Variants in SRGAP2 observed in about 807,000 individuals in gnomAD.
The protein encoded by SRGAP2 is SLIT-ROBO Rho GTPase-activating protein 2.
In SRGAP2, 15 loss-of-function variants were observed where a neutral mutation model predicts 57.2. The ratio of observed to expected loss-of-function variants is 0.26; its 90% CI spans 0.18 to 0.40. SRGAP2 has a LOEUF of 0.40. Among genes scored for constraint, SRGAP2 ranks in the 10% least tolerant of loss-of-function variants. The pLI is 1.00. For missense variants in SRGAP2, 520 were observed against 669.6 expected (o/e 0.78, Z 2.47); for synonymous variants, 249 against 248.0 (o/e 1.00, Z -0.04).
chr1:206,446,555 A>G (rs1662777163), intron 18 of SRGAP2, among the ~76,000 whole-genome samples: 1 of 152,232 alleles, frequency 6.6e-6, no homozygotes. Flanking sequence ...TGACAACATT[A>G]ATTGTGATAC....
At chr1:206,455,191 G>T in intron 21 of SRGAP2, 167 bp downstream of exon 21, 1 of 679,820 alleles carries the variant, frequency 1.5e-6, no homozygotes, top group East Asian at 2.6e-5. Context: ...ACAGGGCTGA[G>T]GATGCTGCTA....
At chr1:206,278,305 G>A (rs1250150189) in intron 2 of SRGAP2, among the ~76,000 whole-genome samples, 2 of 150,186 alleles carry the variant, frequency 1.3e-5, no homozygotes, top group African/African-American at 4.9e-5. Flanking sequence ...TAGTTGTGAG[G>A]GGAGTTGCTT....
At chr1:206,369,462 G>A (rs1449982702) in intron 4 of SRGAP2, among the ~76,000 whole-genome samples, 1 of 151,786 alleles carries the variant, frequency 6.6e-6, no homozygotes, top group Non-Finnish European at 1.5e-5. Context: ...AAAATGAAAA[G>A]ACAGCTATAG....
intron 2 of SRGAP2, among the ~76,000 whole-genome samples, chr1:206,292,428 AG>A (rs1464863855): frequency 6.6e-6 from 1 of 152,014 alleles, no homozygotes; most frequent in Non-Finnish European, 1.5e-5. Context: ...ATGAAGGCCC[AG>A]GAACAGCCAT....
At chr1:206,319,675 GA>G (rs1440519930) in intron 3 of SRGAP2, among the ~76,000 whole-genome samples, 1 of 137,404 alleles carries the variant, frequency 7.3e-6, no homozygotes, top group Non-Finnish European at 1.5e-5. Context: ...TACATCAGAT[GA>G]AAAAAAGCGA....
At chr1:206,315,528 TTGG>T (rs1673005860) in intron 3 of SRGAP2, among the ~76,000 whole-genome samples, 1 of 128,982 alleles carries the variant, frequency 7.8e-6, no homozygotes, top group South Asian at 2.7e-4. Context: ...AGAAGGTTCT[TTGG>T]TGTGTTTTGC....
chr1:206,440,553 C>T (rs868979071), intron 17 of SRGAP2, among the ~76,000 whole-genome samples: 1,829 of 144,356 alleles, frequency 0.013, 20 homozygotes, highest in South Asian at 0.027. Flanking sequence ...AGAAGATTTT[C>T]TTTTTTTTTT....
intron 2 of SRGAP2, among the ~76,000 whole-genome samples, chr1:206,299,790 G>GCTTCCTTTCTTCTTTTGCCTTCTTCCTT (rs1671782140): frequency 6.6e-6 from 1 of 152,050 alleles, no homozygotes; most frequent in Non-Finnish European, 1.5e-5. Flanking sequence ...TCTTCTTTCT[G>GCTTCCTTTCTTCTTTTGCCTTCTTCCTT]CTTCCTTTCT....
chr1:206,385,090 T>C (rs1656082241), intron 5 of SRGAP2, among the ~76,000 whole-genome samples: 1 of 134,298 alleles, frequency 7.4e-6, no homozygotes, highest in African/African-American at 3.2e-5. Flanking sequence ...TCCAGAAGCC[T>C]AGGTGTGGCC....
chr1:206,287,069 G>T (rs1361521134), intron 2 of SRGAP2, among the ~76,000 whole-genome samples: 20 of 152,266 alleles, frequency 1.3e-4, no homozygotes, highest in African/African-American at 4.1e-4. Flanking sequence ...GGGATAGGAA[G>T]GGTTGAATTC....
intron 2 of SRGAP2, among the ~76,000 whole-genome samples, chr1:206,253,107 G>A (rs553697870): frequency 1.4e-5 from 2 of 144,824 alleles, no homozygotes; most frequent in East Asian, 4.2e-4. Flanking sequence ...GCTGTTCTGG[G>A]GCTGCTCTGG....
intron 4 of SRGAP2, among the ~76,000 whole-genome samples, chr1:206,369,128 C>T (rs1344388923): frequency 1.3e-5 from 2 of 151,954 alleles, no homozygotes; most frequent in East Asian, 3.9e-4. Flanking sequence ...CTAAGAGAAA[C>T]AGCTAGACCC....
At chr1:206,453,152 T>A (rs1553376650) in intron 19 of SRGAP2, 48 bp from the exon 20 acceptor site, 2 of 456,732 alleles carry the variant, frequency 4.4e-6, no homozygotes, top group Admixed American at 8.4e-5. Context: ...GTTTCCTGAG[T>A]CTGCAGGTCC....
intron 10 of SRGAP2, among the ~76,000 whole-genome samples, chr1:206,415,600 C>G (rs1411615680): frequency 6.6e-6 from 1 of 152,212 alleles, no homozygotes; most frequent in African/African-American, 2.4e-5. Context: ...CATCTACCCT[C>G]CCTGCTCTTC....
intron 3 of SRGAP2, among the ~76,000 whole-genome samples, chr1:206,325,367 G>T (rs1219857689): frequency 6.6e-6 from 1 of 151,490 alleles, no homozygotes; most frequent in East Asian, 1.9e-4. Flanking sequence ...TTGTTGAGAT[G>T]GGGTCTCACT....
chr1:206,417,485 T>G (rs1191497482), intron 11 of SRGAP2, among the ~76,000 whole-genome samples: 5 of 150,916 alleles, frequency 3.3e-5, no homozygotes, highest in Admixed American at 6.6e-5. Flanking sequence ...TGGTGTGATC[T>G]TGGCTTATTG....
At chr1:206,446,435 G>A (rs1662767101) in intron 18 of SRGAP2, 136 bp downstream of exon 18, 2 of 654,722 alleles carry the variant, frequency 3.1e-6, no homozygotes, top group Non-Finnish European at 5.5e-6. Context: ...TAGGGTCTGG[G>A]GATGCTATAG....
chr1:206,253,449 G>A (rs1273396850), intron 2 of SRGAP2, among the ~76,000 whole-genome samples: 1 of 151,722 alleles, frequency 6.6e-6, no homozygotes, highest in Non-Finnish European at 1.5e-5. Context: ...ACCCTCACCA[G>A]AGGCAGGTTC....
chr1:206,248,711 A>G (rs1480691005), intron 2 of SRGAP2, among the ~76,000 whole-genome samples: 1 of 152,032 alleles, frequency 6.6e-6, no homozygotes, highest in Non-Finnish European at 1.5e-5. Flanking sequence ...TAGCTTTATT[A>G]GGTTCTGCAG....
Sources: allele counts gnomAD v4.1 joint callset (sites outside exome capture counted in the v4.1 genomes callset), GRCh38; gene constraint gnomAD v4.1.1; transcripts MANE v1.5; gene names NCBI Gene and HGNC (gene_info 2026-07-23, HGNC 2026-07-21).